The following ZNF451 variants were observed in gnomAD, a reference collection of about 807,000 sequenced individuals.
ZNF451 encodes the protein zinc finger protein 451, also known as E3 SUMO-protein ligase ZNF451.
A neutral mutation model predicts 107.1 loss-of-function variants in ZNF451; 80 were observed. The observed-to-expected ratio is 0.75, with a 90% CI of 0.62 to 0.90. The LOEUF (loss-of-function observed/expected upper bound fraction) is 0.90, where lower values mean the gene tolerates loss of function less well. Ranked by LOEUF, ZNF451 falls within the 40% of genes least tolerant of loss-of-function variation. The pLI is 0.00. For missense variants in ZNF451, 1,107 were observed against 1,236.2 expected (o/e 0.90, Z 1.57); for synonymous variants, 362 against 406.5 (o/e 0.89, Z 1.32).
intron 10 of ZNF451, among the ~76,000 whole-genome samples, chr6:57,150,089 G>C (rs1458948846): frequency 6.6e-6 from 1 of 152,166 alleles, no homozygotes; most frequent in African/African-American, 2.4e-5. Context: ...AGGGGAGGGA[G>C]AATGAGAGTT....
chr6:57,149,443 C>T (rs1017982646), intron 10 of ZNF451, among the ~76,000 whole-genome samples: 2 of 152,018 alleles, frequency 1.3e-5, no homozygotes, highest in African/African-American at 4.8e-5. Flanking sequence ...TGGGATTTTA[C>T]TATGTTGCCC....
intron 2 of ZNF451, among the ~76,000 whole-genome samples, chr6:57,097,058 C>G (rs745468480): frequency 2.4e-4 from 36 of 152,092 alleles, no homozygotes; most frequent in Non-Finnish European, 4.9e-4. Context: ...GTGTGAGCCA[C>G]CGTGCATGGC....
chr6:57,097,152 T>C (rs1263444446), intron 2 of ZNF451, among the ~76,000 whole-genome samples: 1 of 152,208 alleles, frequency 6.6e-6, no homozygotes, highest in East Asian at 1.9e-4. Flanking sequence ...GCTTCCTCTG[T>C]TTCTTTAATT....
chr6:57,107,557 T>C (rs772626811), intron 3 of ZNF451: 30 of 984,646 alleles, frequency 3.0e-5, no homozygotes, highest in African/African-American at 1.4e-4. Context: ...ATGTATCTTA[T>C]AAAAATTTTG....
At chr6:57,114,551 T>C (rs1463240821) in intron 3 of ZNF451, among the ~76,000 whole-genome samples, 2 of 152,188 alleles carry the variant, frequency 1.3e-5, no homozygotes, top group Non-Finnish European at 2.9e-5. Context: ...TCTGTTGAGT[T>C]TGGAAAATAA....
Position 57,147,362 on chromosome 6 carries a change from C to G in ZNF451, c.1277C>G (p.Ser426Ter). Residue 426 changes from serine to a stop codon, truncating the protein, a stop_gained, in exon 10 of 15, where the codon TCA becomes TGA. Transcript: ENST00000370706. LOFTEE classifies it high-confidence loss of function. ...HLLLDQSKFS[S>*]LKRTMSIKES... is the part of the protein sequence containing the mutation. ...TTGTTGGATCAATCAAAATTTTCAT[C>G]ACTTAAAAGAACCATGTCTATTAAA... The G allele has an allele frequency of 6.2e-7, 1 of 1,614,080 alleles. No homozygotes were observed. The highest frequency in any genetic ancestry group is 8.5e-7 in the Non-Finnish European group (1 of 1,179,970).
At chr6:57,115,470 C>T (rs949991459) in intron 3 of ZNF451, 1 of 152,158 alleles carries the variant, frequency 6.6e-6, no homozygotes, top group African/African-American at 2.4e-5. Flanking sequence ...GTATGCTTAA[C>T]TTTCATGGAG....
intron 7 of ZNF451, among the ~76,000 whole-genome samples, chr6:57,138,687 T>C (rs1477815307): frequency 7.3e-6 from 1 of 136,738 alleles, no homozygotes; most frequent in Non-Finnish European, 1.5e-5. Flanking sequence ...GTTTGTAGAA[T>C]GTATTTGCAG....
chr6:57,096,767 C>CTTTTTTTTT (rs772840052), intron 2 of ZNF451, among the ~76,000 whole-genome samples: 2 of 79,932 alleles, frequency 2.5e-5, no homozygotes, highest in African/African-American at 5.0e-5. Context: ...AATTTTCAGT[C>CTTTTTTTTT]TTTTTTTTTT....
rs772434206 is a variant in ZNF451 at position 57,128,754 on chromosome 6, A to G, written c.338A>G (p.His113Arg). The change falls in exon 5 of 15, where the codon CAT becomes CGT. Residue 113 changes from histidine (H) to arginine (R), a missense_variant. By Grantham distance (29) the His-to-Arg change is conservative. This residue lies in a region of ZNF451 where 339 missense variants were observed against 372.8 expected (regional missense o/e 0.91). Transcript: ENST00000370706. ...GAAAAAATTGATTTTCAGCATGCTC[A>G]TGGGTTACAAGAATTGGAATTTATT... ...FREKIDFQHA[H>R]GLQELEFIRG... is the part of the protein sequence containing the mutation. 4 of 1,612,252 alleles carry G rather than the reference A, an allele frequency of 2.5e-6. No homozygotes were observed. Among genetic ancestry groups the G allele is most frequent in the South Asian group, 2.2e-5 (2 of 90,882 alleles).
chr6:57,106,092 G>A (rs1276527169), intron 3 of ZNF451: 29 of 985,178 alleles, frequency 2.9e-5, no homozygotes, highest in Non-Finnish European at 3.5e-5. Flanking sequence ...TTAAGGACCT[G>A]ATACATCCAG....
Position 57,147,700 on chromosome 6 carries a change from G to T in ZNF451, c.1615G>T (p.Glu539Ter). The change falls in exon 10 of 15, where the codon GAG becomes TAG. Residue 539 changes from glutamate (E) to a stop codon, truncating the protein, a stop_gained. Transcript: ENST00000370706. LOFTEE classifies it high-confidence loss of function. ...FLFWCRTCKK[E>*]LTRKDTIMAH... Reference sequence around the variant, plus strand: ...TTTCTGGTGTCGGACATGCAAAAAGGAGTTAACAAGGAAAGATACTATCAT... The same window carrying T: ...TTTCTGGTGTCGGACATGCAAAAAGTAGTTAACAAGGAAAGATACTATCAT... The T allele has an allele frequency of 1.2e-6, 2 of 1,614,030 alleles. No homozygotes were observed. The highest frequency in any genetic ancestry group is 1.7e-6 in the Non-Finnish European group (2 of 1,179,962).
In ZNF451 at chr6:57,152,365, T is replaced by G; in HGVS notation, c.2883+14T>G. The G allele has an allele frequency of 7.4e-6, 12 of 1,612,424 alleles. No individual in the cohort carries two copies. The highest frequency in any genetic ancestry group is 9.3e-6 in the Non-Finnish European group (11 of 1,179,642). ...ATATGTATGCATGTGAGTCATTGTTTTATTCAAAATCTAATGTGAATCTCA... is the reference window on the plus strand; with the variant it reads ...ATATGTATGCATGTGAGTCATTGTTGTATTCAAAATCTAATGTGAATCTCA... On this transcript the variant is annotated intron_variant, in intron 12 of 14. Transcript: ENST00000370706.
intron 9 of ZNF451, among the ~76,000 whole-genome samples, chr6:57,144,269 CTCTG>C (rs911284778): frequency 1.2e-4 from 14 of 112,592 alleles, no homozygotes; most frequent in Non-Finnish European, 2.0e-4. Flanking sequence ...AAGATAGGGT[CTCTG>C]TCTGTCACCT....
Position 57,169,996 on chromosome 6 carries a change from A to G in ZNF451, c.*1527A>G, listed in dbSNP as rs1311795891. The G allele has an allele frequency of 6.6e-6, 1 of 152,178 alleles. No individual in the cohort carries two copies. Among genetic ancestry groups the G allele is most frequent in the Non-Finnish European group, 1.5e-5 (1 of 68,034 alleles). 9.4% of individuals were successfully genotyped at this position (152,178 alleles called of 1,614,324 possible). A position where few individuals can be genotyped will look rare whatever the true frequency, so the allele number is the denominator to read the frequency against. ...AGCACCTTGTTGCCAGAGATTCTACACAAAGGTGTGATGGACACTGATGCT... is the reference window on the plus strand; with the variant it reads ...AGCACCTTGTTGCCAGAGATTCTACGCAAAGGTGTGATGGACACTGATGCT... On this transcript the variant is annotated 3_prime_UTR_variant, in exon 15 of 15. Coordinates refer to ENST00000370706, the MANE Select transcript of ZNF451 (RefSeq NM_001031623.3).
At chr6:57,116,249 A>G (rs1169029927) in intron 3 of ZNF451, 2 of 152,208 alleles carry the variant, frequency 1.3e-5, no homozygotes, top group African/African-American at 2.4e-5. Context: ...CCCCAAAGCC[A>G]AGATTTGTAA....
At chr6:57,153,495 C>G (rs150502276) in intron 12 of ZNF451, among the ~76,000 whole-genome samples, 191 of 151,610 alleles carry the variant, frequency 1.3e-3, no homozygotes, top group African/African-American at 4.3e-3. Context: ...ACTTCTGCCT[C>G]CCGAGTTCAA....
At chr6:57,132,281 T>C (rs1679607315) in intron 5 of ZNF451, among the ~76,000 whole-genome samples, 1 of 152,210 alleles carries the variant, frequency 6.6e-6, no homozygotes, top group South Asian at 2.1e-4. Flanking sequence ...AACACACTTA[T>C]CCTCCTTGCT....
Position 57,152,474 on chromosome 6 carries a change from A to G in ZNF451, c.2883+123A>G, listed in dbSNP as rs1323741902. On this transcript the variant is annotated intron_variant, in intron 12 of 14. Coordinates refer to ENST00000370706, the MANE Select transcript of ZNF451 (RefSeq NM_001031623.3). ...AGTACTTCAGGTTCTACCTATGACT[A>G]TTATGAAGGCAGGACCCCATAGCAT... 7.9e-6 allele frequency: 9 copies of G among 1,137,306 alleles called. No homozygotes were observed. The East Asian group carries it at 1.4e-4, about 18-fold the overall frequency. 70.5% of individuals were successfully genotyped at this position (1,137,306 alleles called of 1,614,324 possible).
Sources: allele counts gnomAD v4.1 joint callset (sites outside exome capture counted in the v4.1 genomes callset), GRCh38; gene constraint gnomAD v4.1.1; regional missense constraint gnomAD v4.1.1; transcripts MANE v1.5; gene names NCBI Gene and HGNC (gene_info 2026-07-23, HGNC 2026-07-21).